The following C8orf89 variants were observed in gnomAD, a reference collection of about 807,000 sequenced individuals.
C8orf89 encodes the protein putative uncharacterized protein C8orf89.
C8orf89 carries 14 observed loss-of-function variants against 15.8 expected under a neutral mutation model. The ratio of observed to expected loss-of-function variants is 0.89; its 90% CI spans 0.59 to 1.39. The LOEUF (loss-of-function observed/expected upper bound fraction) is 1.39. C8orf89 is among the 40% of genes most tolerant of loss of function. The pLI is 0.00. For synonymous variants in C8orf89, 55 were observed against 62.2 expected, an observed-to-expected ratio of 0.88 and a Z score of 0.54; for missense variants, 181 against 184.5, an observed-to-expected ratio of 0.98 and a Z score of 0.11.
the C8orf89 span, among the ~76,000 whole-genome samples, chr8:73,268,411 A>G: frequency 1.3e-5 from 2 of 152,024 alleles, no homozygotes; most frequent in South Asian, 2.1e-4. Context: ...CCTGGGAGGC[A>G]GAGGTTGCAG....
At chr8:73,277,489 G>C in the C8orf89 span, 2 of 870,896 alleles carry the variant, frequency 2.3e-6, no homozygotes, top group South Asian at 1.5e-5. Flanking sequence ...GTTTCCTGAT[G>C]CCACCACGAA....
the C8orf89 span, among the ~76,000 whole-genome samples, chr8:73,283,327 T>C: frequency 6.6e-6 from 1 of 152,138 alleles, no homozygotes; most frequent in Non-Finnish European, 1.5e-5. Flanking sequence ...AGTCACCCAA[T>C]GAAACACAGA....
the C8orf89 span, among the ~76,000 whole-genome samples, chr8:73,268,712 A>G: frequency 6.6e-6 from 1 of 152,306 alleles, no homozygotes; most frequent in South Asian, 2.1e-4. Flanking sequence ...GGATAAAATG[A>G]TACAATGTTT....
chr8:73,243,603 C>T (rs989164167), intron 3 of C8orf89, among the ~76,000 whole-genome samples: 6 of 152,126 alleles, frequency 3.9e-5, no homozygotes, highest in African/African-American at 1.4e-4. Flanking sequence ...AATCTCGGCT[C>T]ACTGCAACCT....
the C8orf89 span, among the ~76,000 whole-genome samples, chr8:73,280,708 TATATATATACAC>T: frequency 4.8e-3 from 726 of 151,096 alleles, 5 homozygotes; most frequent in South Asian, 0.016. Flanking sequence ...TACATATACA[TATATATATACAC>T]ATATATATAC....
intron 3 of C8orf89, among the ~76,000 whole-genome samples, chr8:73,246,349 A>G (rs1174882508): frequency 6.6e-6 from 1 of 152,202 alleles, no homozygotes; most frequent in Non-Finnish European, 1.5e-5. Flanking sequence ...GCCGAGATTC[A>G]AAGCAATGTC....
intron 3 of C8orf89, 123 bp from the exon 4 acceptor site, chr8:73,241,728 T>C: frequency 2.6e-6 from 2 of 779,550 alleles, no homozygotes; most frequent in Non-Finnish European, 3.7e-6. Flanking sequence ...TACTAGTTCT[T>C]ATACTACAGA....
At chr8:73,247,464 G>A (rs564634037) in intron 3 of C8orf89, among the ~76,000 whole-genome samples, 1 of 152,302 alleles carries the variant, frequency 6.6e-6, no homozygotes, top group East Asian at 1.9e-4. Flanking sequence ...ACCCAGTAAT[G>A]GGATTTCTGG....
At chr8:73,277,108 G>C in the C8orf89 span, among the ~76,000 whole-genome samples, 1 of 152,008 alleles carries the variant, frequency 6.6e-6, no homozygotes, top group Non-Finnish European at 1.5e-5. Flanking sequence ...CGCCCATCCC[G>C]GCAGTCAATT....
At chr8:73,250,739 G>A (rs1264674230) in intron 2 of C8orf89, among the ~76,000 whole-genome samples, 1 of 151,920 alleles carries the variant, frequency 6.6e-6, no homozygotes, top group Non-Finnish European at 1.5e-5. Context: ...AGATTATTAG[G>A]GGAAATATAT....
At chr8:73,281,531 G>C in the C8orf89 span, among the ~76,000 whole-genome samples, 2 of 152,352 alleles carry the variant, frequency 1.3e-5, no homozygotes, top group Admixed American at 1.3e-4. Context: ...ATGGGAGGTA[G>C]TGGGGAGGAG....
chr8:73,265,936 T>A, the C8orf89 span, among the ~76,000 whole-genome samples: 2 of 152,218 alleles, frequency 1.3e-5, no homozygotes, highest in Non-Finnish European at 2.9e-5. Context: ...ATAAGAGCTG[T>A]TCGTTTTATC....
the C8orf89 span, among the ~76,000 whole-genome samples, chr8:73,281,574 A>G: frequency 6.6e-6 from 1 of 152,214 alleles, no homozygotes; most frequent in Non-Finnish European, 1.5e-5. Context: ...CTACGTTCAA[A>G]TTCTATGGCA....
chr8:73,264,085 G>A (rs1288927473), upstream of C8orf89, among the ~76,000 whole-genome samples: 47 of 152,108 alleles, frequency 3.1e-4, 1 homozygote, highest in Admixed American at 3.1e-3. Context: ...ATACATCACA[G>A]CCTTCTTGTG....
chr8:73,256,617 A>G (rs1405860287), intron 2 of C8orf89, among the ~76,000 whole-genome samples: 1 of 150,440 alleles, frequency 6.6e-6, no homozygotes, highest in Non-Finnish European at 1.5e-5. Context: ...AATCCCAGCT[A>G]CTCAGGAGGC....
rs542749484 is a variant in C8orf89 at position 73,244,435 on chromosome 8, C to A, written c.338-2830G>T. 3.9e-5 allele frequency among the ~76,000 whole-genome samples: 6 copies of A among 152,136 alleles called. No homozygotes were observed. The South Asian group carries it at 1.2e-3, about 31-fold the overall frequency. ...CAAAGTTCCAATCACTACGTATTAC[C>A]CCTAAATACATGTAGAAATATTTTA... On this transcript the variant is annotated intron_variant, in intron 3 of 3. Transcript: ENST00000624510.
the C8orf89 span, among the ~76,000 whole-genome samples, chr8:73,272,426 A>G: frequency 6.6e-6 from 1 of 152,038 alleles, no homozygotes; most frequent in African/African-American, 2.4e-5. Flanking sequence ...TGCACATTAT[A>G]TCAGCCCACT....
chr8:73,253,142 CA>C (rs903391258), intron 2 of C8orf89, among the ~76,000 whole-genome samples: 1 of 150,940 alleles, frequency 6.6e-6, no homozygotes, highest in East Asian at 1.9e-4. Context: ...GACTCCGTCT[CA>C]AAAAAAAGAA....
intron 3 of C8orf89, among the ~76,000 whole-genome samples, chr8:73,242,387 T>A (rs1366665461): frequency 6.6e-6 from 1 of 152,106 alleles, no homozygotes; most frequent in South Asian, 2.1e-4. Context: ...GGTGAGCAGA[T>A]CCCTTGAGCT....
Sources: gnomAD v4.1 joint callset for allele counts (sites outside exome capture counted in the v4.1 genomes callset) on GRCh38, gnomAD v4.1.1 for gene constraint, MANE v1.5 for transcripts, NCBI Gene and HGNC (gene_info 2026-07-23, HGNC 2026-07-21) for gene names.